The following MAP7 variants were observed in gnomAD, a reference collection of about 807,000 sequenced individuals.
MAP7 encodes microtubule associated protein 7.
In MAP7, 52 loss-of-function variants were observed where a neutral mutation model predicts 94.8. The observed-to-expected ratio is 0.55, with a 90% CI of 0.44 to 0.69. The LOEUF (loss-of-function observed/expected upper bound fraction) is 0.69, where lower values mean the gene tolerates loss of function less well. Among genes scored for constraint, MAP7 ranks in the 30% least tolerant of loss-of-function variants. The pLI is 0.00. For missense variants in MAP7, 940 were observed against 964.6 expected, an observed-to-expected ratio of 0.97 and a Z score of 0.34; for synonymous variants, 350 against 357.0, an observed-to-expected ratio of 0.98 and a Z score of 0.22.
At chr6:136,548,162 G>A (rs62422064) in intron 1 of MAP7, among the ~76,000 whole-genome samples, 7 of 131,006 alleles carry the variant, frequency 5.3e-5, no homozygotes, top group Non-Finnish European at 1.1e-4. Flanking sequence ...GAGACTTGCA[G>A]TATTTGGATG....
intron 1 of MAP7, among the ~76,000 whole-genome samples, chr6:136,467,543 G>A (rs1222275202): frequency 6.6e-6 from 1 of 152,204 alleles, no homozygotes; most frequent in Non-Finnish European, 1.5e-5. Flanking sequence ...TAAAGTTTTA[G>A]AAGTTATTTC....
Position 136,388,407 on chromosome 6 carries a change from C to A in MAP7, c.512G>T (p.Ser171Ile), listed in dbSNP as rs185327121. The part of the protein sequence containing the change: ...SWGGSLHGSP[S>I]IHSADPDRRS... ...TCACTGTTTACCTGCACTGTGGATG[C>A]TAGGGCTCCCATGGAGAGAGCCTCC... The change falls in exon 5 of 18, where the codon AGC becomes ATC. Residue 171 changes from serine to isoleucine, a missense_variant. By Grantham distance (142) the Ser-to-Ile change is moderately radical. Transcript: ENST00000354570. 2.0e-5 allele frequency: 32 copies of A among 1,613,772 alleles called. No homozygotes were observed. The Admixed American group carries it at 4.5e-4, about 23-fold the overall frequency.
chr6:136,444,736 A>G (rs866373519), intron 1 of MAP7, among the ~76,000 whole-genome samples: 1 of 152,354 alleles, frequency 6.6e-6, no homozygotes, highest in East Asian at 1.9e-4. Flanking sequence ...AATTTAAACA[A>G]TGGCTCTGCT....
chr6:136,433,260 G>A (rs1795469393), intron 1 of MAP7, among the ~76,000 whole-genome samples: 2 of 152,152 alleles, frequency 1.3e-5, no homozygotes, highest in South Asian at 4.2e-4. Context: ...TTCTTTAACT[G>A]CAACTAATTT....
At chr6:136,416,715 A>T (rs1789559562) in intron 2 of MAP7, among the ~76,000 whole-genome samples, 1 of 152,074 alleles carries the variant, frequency 6.6e-6, no homozygotes, top group African/African-American at 2.4e-5. Context: ...CTGAGGCAGG[A>T]GAATCGCTTG....
At chr6:136,522,964 G>A (rs371429494) in intron 1 of MAP7, among the ~76,000 whole-genome samples, 63 of 152,324 alleles carry the variant, frequency 4.1e-4, no homozygotes, top group African/African-American at 1.4e-3. Context: ...GAGCCCAGGA[G>A]TTGGAGGCTG....
intron 1 of MAP7, among the ~76,000 whole-genome samples, chr6:136,487,692 G>A (rs2128981836): frequency 6.6e-6 from 1 of 151,692 alleles, no homozygotes; most frequent in Middle Eastern, 3.4e-3. Context: ...CTGGGAGACA[G>A]AGCATGACTT....
At chr6:136,520,228 CAGG>C (rs1310472492) in intron 1 of MAP7, among the ~76,000 whole-genome samples, 93 of 148,724 alleles carry the variant, frequency 6.3e-4, no homozygotes, top group African/African-American at 2.3e-3. Flanking sequence ...GGGGGAGGAG[CAGG>C]AGGAGGAGAA....
chr6:136,350,728 T>G (rs370596972), intron 16 of MAP7, among the ~76,000 whole-genome samples: 24 of 152,218 alleles, frequency 1.6e-4, no homozygotes, highest in East Asian at 1.2e-3. Context: ...GTGTGGTGGC[T>G]CGCACCTGTA....
chr6:136,509,723 CT>C (rs773825786), intron 1 of MAP7, among the ~76,000 whole-genome samples: 12 of 152,080 alleles, frequency 7.9e-5, no homozygotes, highest in Non-Finnish European at 1.3e-4. Context: ...CCATGCTGGG[CT>C]ATTTTTTAAT....
intron 1 of MAP7, among the ~76,000 whole-genome samples, chr6:136,538,967 C>T (rs1209808901): frequency 1.3e-5 from 2 of 152,202 alleles, no homozygotes; most frequent in East Asian, 3.9e-4. Flanking sequence ...ATCCCAGTGC[C>T]AGCCTATGAC....
chr6:136,422,260 T>C (rs1464490297), intron 1 of MAP7, among the ~76,000 whole-genome samples: 3 of 152,214 alleles, frequency 2.0e-5, no homozygotes, highest in African/African-American at 7.2e-5. Context: ...ACAACAAACA[T>C]CAACCCTAAC....
chr6:136,484,786 A>T (rs1814083506), intron 1 of MAP7, among the ~76,000 whole-genome samples: 1 of 152,168 alleles, frequency 6.6e-6, no homozygotes, highest in South Asian at 2.1e-4. Flanking sequence ...TGCAGCCTCA[A>T]ACTCCCAGGC....
chr6:136,377,760 T>A lies in MAP7; in HGVS notation c.746A>T (p.Glu249Val). Residue 249 changes from glutamate to valine, a missense_variant, in exon 7 of 18, where the codon GAA becomes GTA. Transcript: ENST00000354570. ...RSKSTAALSGEAASCSPIIMP... is the reference protein window; with the variant it reads ...RSKSTAALSGVAASCSPIIMP... Reference sequence around the variant, plus strand: ...TTCCACCTGGACAGTTTTACCTGCTTCTCCAGACAAGGCAGCTGTGCTTTT... The same window carrying A: ...TTCCACCTGGACAGTTTTACCTGCTACTCCAGACAAGGCAGCTGTGCTTTT... The A allele has an allele frequency of 6.2e-7, 1 of 1,613,744 alleles. No individual in the cohort carries two copies. Among genetic ancestry groups the A allele is most frequent in the South Asian group, 1.1e-5 (1 of 91,068 alleles).
intron 5 of MAP7, among the ~76,000 whole-genome samples, chr6:136,384,496 T>C (rs530739494): frequency 8.1e-4 from 120 of 148,080 alleles, no homozygotes; most frequent in African/African-American, 2.9e-3. Flanking sequence ...TAAAATTTCT[T>C]TTTTTTTTTT....
intron 1 of MAP7, among the ~76,000 whole-genome samples, chr6:136,486,971 CAAAAGAAAGG>C (rs1814976773): frequency 6.7e-6 from 1 of 149,286 alleles, no homozygotes; most frequent in African/African-American, 2.6e-5. Flanking sequence ...ATGTAATTGA[CAAAAGAAAGG>C]AAAGTGCTAA....
chr6:136,532,609 T>C (rs1828557860), intron 1 of MAP7, among the ~76,000 whole-genome samples: 1 of 148,380 alleles, frequency 6.7e-6, no homozygotes, highest in Non-Finnish European at 1.5e-5. Flanking sequence ...ATTAATGCAC[T>C]GTTTACAGGT....
chr6:136,477,232 G>T (rs1583023117), intron 1 of MAP7, among the ~76,000 whole-genome samples: 2 of 152,272 alleles, frequency 1.3e-5, no homozygotes, highest in East Asian at 3.9e-4. Context: ...CACTTCTGCG[G>T]CATTCAGGCG....
At chr6:136,505,273 GTGTGTATATATATATATATATA>G (rs1208042574) in intron 1 of MAP7, among the ~76,000 whole-genome samples, 5 of 69,808 alleles carry the variant, frequency 7.2e-5, no homozygotes, top group Admixed American at 1.7e-4. Context: ...GTGTGTGTGT[GTGTGTATATATATATATATATA>G]TATATATATA....
Sources: gnomAD v4.1 joint callset for allele counts (sites outside exome capture counted in the v4.1 genomes callset) on GRCh38, gnomAD v4.1.1 for gene constraint, MANE v1.5 for transcripts, NCBI Gene and HGNC (gene_info 2026-07-23, HGNC 2026-07-21) for gene names.